HERC3: variants seen among roughly 807,000 people sequenced by gnomAD.
HERC3 encodes the protein probable E3 ubiquitin-protein ligase HERC3.
In HERC3, 58 loss-of-function variants were observed where a neutral mutation model predicts 129.9. That is an observed-to-expected ratio of 0.45 (90% CI 0.36 to 0.56). The LOEUF (loss-of-function observed/expected upper bound fraction) is 0.56, where lower values mean the gene tolerates loss of function less well. Ranked by LOEUF, HERC3 falls within the 20% of genes least tolerant of loss-of-function variation. The pLI is 0.00. For missense variants in HERC3, 835 were observed against 1,244.2 expected, an observed-to-expected ratio of 0.67 and a Z score of 4.95; for synonymous variants, 430 against 451.0, an observed-to-expected ratio of 0.95 and a Z score of 0.59.
At chr4:88,600,348 C>T (rs940956639) in intron 2 of HERC3, among the ~76,000 whole-genome samples, 4 of 152,144 alleles carry the variant, frequency 2.6e-5, no homozygotes, top group Admixed American at 6.5e-5. Context: ...TGAGGAAATA[C>T]AGGATTAGGT....
chr4:88,549,320 T>TA, the HERC3 span, among the ~76,000 whole-genome samples: 33,589 of 148,432 alleles, frequency 0.23, 4,171 homozygotes, highest in East Asian at 0.48. Context: ...TAACTTTTTT[T>TA]AAAAAAAAAA....
chr4:88,631,150 T>C (rs1490151378), intron 3 of HERC3, among the ~76,000 whole-genome samples: 1 of 152,214 alleles, frequency 6.6e-6, no homozygotes, highest in Non-Finnish European at 1.5e-5. Flanking sequence ...AAGTCACCTG[T>C]CACTGAACTG....
chr4:88,575,930 G>A, the HERC3 span, among the ~76,000 whole-genome samples: 2 of 152,140 alleles, frequency 1.3e-5, no homozygotes, highest in Non-Finnish European at 2.9e-5. Flanking sequence ...ATTAAACATA[G>A]ATACTCCCTC....
intron 2 of HERC3, among the ~76,000 whole-genome samples, chr4:88,596,660 G>A (rs916260526): frequency 1.3e-5 from 2 of 152,206 alleles, no homozygotes; most frequent in Non-Finnish European, 2.9e-5. Flanking sequence ...ATTTTTGTTT[G>A]TTTTGTGAAG....
intron 3 of HERC3, among the ~76,000 whole-genome samples, chr4:88,622,101 C>T (rs1578185543): frequency 6.6e-6 from 1 of 152,180 alleles, no homozygotes; most frequent in South Asian, 2.1e-4. Context: ...AGAACATTTT[C>T]ATCTCTTCAA....
chr4:88,545,049 A>G, the HERC3 span, among the ~76,000 whole-genome samples: 1 of 152,170 alleles, frequency 6.6e-6, no homozygotes, highest in Admixed American at 6.5e-5. Flanking sequence ...TTAAAGTATA[A>G]TAATAAAAAA....
chr4:88,599,205 A>G (rs1722725254), intron 2 of HERC3, among the ~76,000 whole-genome samples: 1 of 152,194 alleles, frequency 6.6e-6, no homozygotes, highest in South Asian at 2.1e-4. Flanking sequence ...AAGCTGTGCT[A>G]ATGGCTGGCT....
rs550500531 is a variant in HERC3 at position 88,604,584 on chromosome 4, A to G, written c.-29-1211A>G. Among the ~76,000 whole-genome samples the G allele has an allele frequency of 2.2e-4, 33 of 152,304 alleles. No homozygotes were observed. In the South Asian group the frequency reaches 6.4e-3, roughly 30 times the overall value. ...TTGTGACTGGATTCTTTTACTTAGC[A>G]TAATATATTTACCGTTCATCCATAT... On this transcript the variant is annotated intron_variant, in intron 2 of 25. Transcript: ENST00000402738.
intron 23 of HERC3, chr4:88,695,947 C>T (rs769582310): frequency 1.3e-5 from 2 of 152,602 alleles, no homozygotes; most frequent in Admixed American, 6.6e-5. Flanking sequence ...ATTAACACCA[C>T]AGTGATAAAC....
chr4:88,669,895 A>T lies in HERC3; in HGVS notation c.1669A>T (p.Met557Leu), dbSNP rs368032010. 2 of 1,613,668 alleles carry T rather than the reference A, an allele frequency of 1.2e-6. No homozygotes were observed. Among genetic ancestry groups the T allele is most frequent in the South Asian group, 1.1e-5 (1 of 91,076 alleles). Reference protein sequence around the residue: ...WWSQVCPKYFMKLVNLYKGAV... With the variant: ...WWSQVCPKYFLKLVNLYKGAV... ...GTCTCAGGTATGCCCGAAATATTTC[A>T]TGAAGCTGGTAAACCTCTATAAAGG... The change falls in exon 15 of 26, where the codon ATG becomes TTG. Residue 557 changes from methionine to leucine, a missense_variant. Met to Leu is a conservative substitution (Grantham distance 15). Coordinates refer to ENST00000402738, the MANE Select transcript of HERC3 (RefSeq NM_014606.3).
the HERC3 span, among the ~76,000 whole-genome samples, chr4:88,545,614 C>G: frequency 6.6e-6 from 1 of 151,700 alleles, no homozygotes; most frequent in South Asian, 2.1e-4. Flanking sequence ...TTTTTAGAGA[C>G]AGGATCTCGC....
At position 88,595,841 on chromosome 4, in the gene HERC3, CTTTTTTTTTTT is replaced by C. The variant is rs532515500; in HGVS notation, c.-30+244_-30+254del. 6.1e-3 allele frequency among the ~76,000 whole-genome samples: 487 copies of C among 80,312 alleles called. 6 individuals are homozygous for C. Among genetic ancestry groups the C allele is most frequent in the African/African-American group, 0.023 (469 of 20,350 alleles). 52.7% of individuals were successfully genotyped at this position (80,312 alleles called of 152,430 possible). On this transcript the variant is annotated intron_variant, in intron 2 of 25. Transcript: ENST00000402738. ...TGGTCTCTGCTTCAAGCACTTAATT[CTTTTTTTTTTT>C]TTTTTTTTTTTTTTTTGAGAGGGAG... is the stretch of plus-strand genomic sequence containing the variant.
chr4:88,559,579 A>T, the HERC3 span, among the ~76,000 whole-genome samples: 3 of 152,204 alleles, frequency 2.0e-5, no homozygotes, highest in Non-Finnish European at 4.4e-5. Flanking sequence ...CCTTAGCATA[A>T]GTCCAGTCTC....
At chr4:88,564,310 G>T in the HERC3 span, among the ~76,000 whole-genome samples, 7 of 152,322 alleles carry the variant, frequency 4.6e-5, no homozygotes, top group East Asian at 1.3e-3. Context: ...CACAGAATGA[G>T]TTTGGAAGTA....
In HERC3 at chr4:88,706,810, C is replaced by T. The variant is rs202144948; in HGVS notation, c.3003C>T (p.Val1001=). ...ACGGCATGGCCAGTCTGCAGATTGT[C>T]ATCCAGTCCACAGCCAGCGGGGAGG... ...PIYGMASLQI[V]IQSTASGEEY... is the part of the protein sequence containing the mutation. Residue 1001 remains valine (V), a synonymous_variant, in exon 26 of 26, where the codon GTC becomes GTT. Transcript: ENST00000402738. The T allele has an allele frequency of 1.2e-6, 2 of 1,614,146 alleles. No homozygotes were observed. Among genetic ancestry groups the T allele is most frequent in the East Asian group, 2.2e-5 (1 of 44,870 alleles).
the HERC3 span, chr4:88,528,127 C>T: frequency 4.2e-6 from 1 of 238,474 alleles, no homozygotes; most frequent in South Asian, 6.1e-5. Context: ...GCACTGACCC[C>T]AAACAGCCAG....
chr4:88,693,055 A>G, intron 23 of HERC3: 1 of 976,994 alleles, frequency 1.0e-6, no homozygotes, highest in Non-Finnish European at 1.2e-6. Context: ...CAATGCTTAT[A>G]TTTAAAATGC....
chr4:88,581,447 G>A, the HERC3 span, among the ~76,000 whole-genome samples: 3 of 149,656 alleles, frequency 2.0e-5, no homozygotes, highest in East Asian at 2.0e-4. Flanking sequence ...ACAGGTGCCC[G>A]CGACCATGCC....
intron 5 of HERC3, 78 bp downstream of exon 5, chr4:88,652,166 C>T: frequency 8.8e-7 from 1 of 1,133,028 alleles, no homozygotes; most frequent in Non-Finnish European, 1.3e-6. Flanking sequence ...GTGATATTAT[C>T]TAACTGAAAA....
Sources: gnomAD v4.1 joint callset for allele counts (sites outside exome capture counted in the v4.1 genomes callset) on GRCh38, gnomAD v4.1.1 for gene constraint, MANE v1.5 for transcripts, NCBI Gene and HGNC (gene_info 2026-07-23, HGNC 2026-07-21) for gene names.